FRMD3: variants seen among roughly 807,000 people sequenced by gnomAD.
The protein encoded by FRMD3 is FERM domain containing 3, also known as FERM domain-containing protein 3.
FRMD3 carries 33 observed loss-of-function variants against 70.2 expected under a neutral mutation model. The observed-to-expected ratio is 0.47, with a 90% CI of 0.36 to 0.63. The LOEUF (loss-of-function observed/expected upper bound fraction) is 0.63, where lower values mean the gene tolerates loss of function less well. FRMD3 is among the 20% of genes least tolerant of loss of function. The probability of loss-of-function intolerance (pLI) is 0.00; values close to 1 mark genes in which losing one functional copy is unlikely to be tolerated. For synonymous variants in FRMD3, 279 were observed against 255.9 expected (o/e 1.09, Z -0.86); for missense variants, 632 against 711.4 (o/e 0.89, Z 1.27).
intron 3 of FRMD3, among the ~76,000 whole-genome samples, chr9:83,362,905 C>T (rs370229446): frequency 1.8e-4 from 20 of 113,216 alleles, no homozygotes; most frequent in Non-Finnish European, 2.2e-4. Flanking sequence ...CCTCCTTCCT[C>T]CCTTTCTTTC....
At chr9:83,494,981 T>A (rs376052954) in intron 1 of FRMD3, among the ~76,000 whole-genome samples, 39 of 152,320 alleles carry the variant, frequency 2.6e-4, no homozygotes, top group African/African-American at 7.9e-4. Context: ...TCATCAATTT[T>A]TCTTAGAAAA....
chr9:83,248,415 C>T lies in FRMD3; in HGVS notation c.1297G>A (p.Asp433Asn), dbSNP rs757877827. Residue 433 changes from aspartate to asparagine, a missense_variant, in exon 14 of 14, where the codon GAT becomes AAT. Transcript: ENST00000304195. ...EYEDPPSEEE[D>N]KIKEEPLTIS... ...GTTAAAGGTTCTTCTTTTATTTTAT[C>T]TTCCTCTTCACTAGGGGGATCTTCA... 19 of 1,614,020 alleles carry T rather than the reference C, an allele frequency of 1.2e-5. No homozygotes were observed. Among genetic ancestry groups the T allele is most frequent in the Middle Eastern group, 1.6e-4 (1 of 6,084 alleles).
chr9:83,418,983 C>A (rs1161499936), intron 1 of FRMD3, among the ~76,000 whole-genome samples: 1 of 152,136 alleles, frequency 6.6e-6, no homozygotes, highest in Non-Finnish European at 1.5e-5. Flanking sequence ...GTGTCTTTTG[C>A]AGCAACTTGG....
At chr9:83,352,788 A>G (rs981722441) in intron 3 of FRMD3, among the ~76,000 whole-genome samples, 12 of 152,206 alleles carry the variant, frequency 7.9e-5, no homozygotes, top group African/African-American at 2.9e-4. Flanking sequence ...CATTCTGGAC[A>G]TAATCGTCGT....
At position 83,479,682 on chromosome 9, in the gene FRMD3, AAGAAAGAAAGAAAGAAAGAAAG is replaced by A. The variant is rs1348243105; in HGVS notation, c.147+58381_147+58402del. On this transcript the variant is annotated intron_variant, in intron 1 of 13. Transcript: ENST00000304195. ...AAGGAAGGAAGGAAGGAAAGAAAGA[AAGAAAGAAAGAAAGAAAGAAAG>A]AAAGAAAGAAAGAAAGAAAAGAAAG... Among the ~76,000 whole-genome samples the A allele has an allele frequency of 2.2e-4, 15 of 68,278 alleles. 1 individual carries two copies. The highest frequency in any genetic ancestry group is 1.3e-3 in the African/African-American group (14 of 11,184). The allele number at this position is 68,278 out of a possible 152,430, so 44.8% of individuals were successfully genotyped here. A position where few individuals can be genotyped will look rare whatever the true frequency, so the allele number is the denominator to read the frequency against.
At chr9:83,254,943 A>C (rs1186229042) in intron 13 of FRMD3, among the ~76,000 whole-genome samples, 2 of 152,216 alleles carry the variant, frequency 1.3e-5, no homozygotes, top group African/African-American at 4.8e-5. Flanking sequence ...ACTGAATTCT[A>C]CCAGAGGTAC....
intron 1 of FRMD3, among the ~76,000 whole-genome samples, chr9:83,410,136 T>A (rs977198673): frequency 9.2e-5 from 14 of 152,354 alleles, no homozygotes; most frequent in African/African-American, 3.4e-4. Flanking sequence ...TCTCTCTTTT[T>A]AAATTAATTA....
intron 13 of FRMD3, among the ~76,000 whole-genome samples, chr9:83,281,227 T>C (rs565453725): frequency 1.2e-4 from 18 of 152,336 alleles, no homozygotes; most frequent in African/African-American, 4.3e-4. Context: ...TAGAACCCCA[T>C]GCATCTAAAA....
chr9:83,417,661 G>C (rs2131351628), intron 1 of FRMD3, among the ~76,000 whole-genome samples: 1 of 152,316 alleles, frequency 6.6e-6, no homozygotes, highest in South Asian at 2.1e-4. Flanking sequence ...AATTTAGAAT[G>C]GAAACACAAA....
rs372557857 is a variant in FRMD3 at position 83,538,088 on chromosome 9, G to T, written c.144C>A (p.Ile48=). 6.2e-7 allele frequency: 1 copy of T among 1,612,600 alleles called. No homozygotes were observed. Among genetic ancestry groups the T allele is most frequent in the East Asian group, 2.2e-5 (1 of 44,820 alleles). Residue 48 remains isoleucine (I), a synonymous_variant, in exon 1 of 14, where the codon ATC becomes ATA. Coordinates refer to ENST00000304195, the MANE Select transcript of FRMD3 (RefSeq NM_174938.6). The surrounding 1 kb of genome is among the most constrained non-coding windows in gnomAD (Gnocchi z 4.7). ...CCTCGCCCGGTTCCACGCGCACCTG[G>T]ATGTGGCAGGAGATCTCCGAGTCGT... ...LLDDSEISCH[I]QRETKGQFLI...
chr9:83,339,077 G>T (rs1823671945), intron 5 of FRMD3, among the ~76,000 whole-genome samples: 1 of 152,166 alleles, frequency 6.6e-6, no homozygotes, highest in Non-Finnish European at 1.5e-5. Context: ...GTTGGTGAGG[G>T]AGGGCATCGT....
chr9:83,440,706 A>G (rs996079355), intron 1 of FRMD3, among the ~76,000 whole-genome samples: 1 of 152,344 alleles, frequency 6.6e-6, no homozygotes, highest in East Asian at 1.9e-4. Flanking sequence ...CTGGATTCCA[A>G]TCTGAGCCTT....
chr9:83,399,017 T>C (rs930504479), intron 1 of FRMD3, among the ~76,000 whole-genome samples: 1 of 152,112 alleles, frequency 6.6e-6, no homozygotes, highest in Non-Finnish European at 1.5e-5. Flanking sequence ...CTAATGCCCA[T>C]GGTAGCCCCT....
intron 1 of FRMD3, among the ~76,000 whole-genome samples, chr9:83,454,362 G>A (rs1313702446): frequency 6.6e-6 from 1 of 152,140 alleles, no homozygotes; most frequent in Non-Finnish European, 1.5e-5. Flanking sequence ...ATACAACCTG[G>A]CTCTTGGCTG....
At chr9:83,435,935 A>G (rs1827121401) in intron 1 of FRMD3, among the ~76,000 whole-genome samples, 1 of 152,200 alleles carries the variant, frequency 6.6e-6, no homozygotes, top group South Asian at 2.1e-4. Context: ...CCACCCAAAA[A>G]TCCCCAGAAC....
the FRMD3 span, among the ~76,000 whole-genome samples, chr9:83,583,506 A>G: frequency 6.6e-6 from 1 of 152,238 alleles, no homozygotes; most frequent in Non-Finnish European, 1.5e-5. Context: ...TCAAAGTATA[A>G]TTAAAATTAC....
At chr9:83,502,634 G>T (rs1195096910) in intron 1 of FRMD3, among the ~76,000 whole-genome samples, 1 of 152,172 alleles carries the variant, frequency 6.6e-6, no homozygotes, top group Non-Finnish European at 1.5e-5. Context: ...CCGGAAGCTT[G>T]CTGTGAGGGG....
the FRMD3 span, among the ~76,000 whole-genome samples, chr9:83,580,182 G>A: frequency 1.3e-5 from 2 of 152,062 alleles, no homozygotes; most frequent in Non-Finnish European, 2.9e-5. Flanking sequence ...TGCTGTTGGT[G>A]GAAATGTAAA....
chr9:83,545,356 G>GTTTTTTTTTTTTTTTTT, the FRMD3 span, among the ~76,000 whole-genome samples: 1 of 117,586 alleles, frequency 8.5e-6, no homozygotes. Flanking sequence ...GTTTTTTTTT[G>GTTTTTTTTTTTTTTTTT]TTTTTTTTTT....
Sources: allele counts gnomAD v4.1 joint callset (sites outside exome capture counted in the v4.1 genomes callset), GRCh38; gene constraint gnomAD v4.1.1; non-coding constraint Gnocchi (gnomAD v3.1); transcripts MANE v1.5; gene names NCBI Gene and HGNC (gene_info 2026-07-23, HGNC 2026-07-21).